Variants in FRAS1 observed in about 807,000 individuals in gnomAD.
The protein encoded by FRAS1 is extracellular matrix organizing protein FRAS1.
A neutral mutation model predicts 435.2 loss-of-function variants in FRAS1; 290 were observed. That is an observed-to-expected ratio of 0.67 (90% CI 0.61 to 0.73). The LOEUF (loss-of-function observed/expected upper bound fraction) is 0.73. Ranked by LOEUF, FRAS1 falls within the 30% of genes least tolerant of loss-of-function variation. The pLI is 0.00. For synonymous variants in FRAS1, 1,800 were observed against 1,851.0 expected, an observed-to-expected ratio of 0.97 and a Z score of 0.71; for missense variants, 4,860 against 5,001.5, an observed-to-expected ratio of 0.97 and a Z score of 0.85.
chr4:78,276,220 T>C lies in FRAS1; in HGVS notation c.982-2435T>C, dbSNP rs756285486. ...TTGTTCTGGTTAGCCATTTGTCTAA[T>C]CTTTTTTCAAGGTTTTTATCTTCTT... On this transcript the variant is annotated intron_variant, in intron 9 of 73. Transcript: ENST00000512123. 7.5e-4 allele frequency among the ~76,000 whole-genome samples: 114 copies of C among 152,214 alleles called. 1 individual carries two copies. The highest frequency in any genetic ancestry group is 1.4e-3 in the Non-Finnish European group (93 of 68,028).
intron 19 of FRAS1, among the ~76,000 whole-genome samples, chr4:78,334,725 A>G (rs201043818): frequency 6.6e-6 from 1 of 151,632 alleles, no homozygotes; most frequent in Admixed American, 6.6e-5. Flanking sequence ...GTGTGTGTAT[A>G]TTTATCGTTT....
chr4:78,219,925 G>C (rs1279890727), intron 2 of FRAS1, among the ~76,000 whole-genome samples: 1 of 152,146 alleles, frequency 6.6e-6, no homozygotes, highest in Non-Finnish European at 1.5e-5. Context: ...GGTAATGAAG[G>C]CCCATCATTC....
intron 29 of FRAS1, among the ~76,000 whole-genome samples, chr4:78,396,598 A>G (rs934021587): frequency 3.3e-5 from 5 of 152,148 alleles, no homozygotes; most frequent in Admixed American, 3.3e-4. Flanking sequence ...CAATCCACTG[A>G]TAGCTTTTTG....
chr4:78,205,063 GTC>G (rs1203517142), intron 2 of FRAS1, among the ~76,000 whole-genome samples: 1 of 152,114 alleles, frequency 6.6e-6, no homozygotes, highest in African/African-American at 2.4e-5. Flanking sequence ...GGGAATAGGA[GTC>G]TCTGACAATA....
At chr4:78,374,774 C>A (rs956183964) in intron 25 of FRAS1, among the ~76,000 whole-genome samples, 2 of 152,172 alleles carry the variant, frequency 1.3e-5, no homozygotes, top group Admixed American at 6.5e-5. Context: ...CTCATCATAT[C>A]TATCAAAACT....
intron 2 of FRAS1, among the ~76,000 whole-genome samples, chr4:78,166,298 C>T (rs72860694): frequency 0.025 from 3,859 of 151,976 alleles, 178 homozygotes; most frequent in African/African-American, 0.089. Flanking sequence ...ATTTCAAGAC[C>T]ATTTTTCTTG....
At chr4:78,219,546 C>G (rs1272883144) in intron 2 of FRAS1, among the ~76,000 whole-genome samples, 3 of 152,094 alleles carry the variant, frequency 2.0e-5, no homozygotes, top group African/African-American at 7.2e-5. Context: ...TTTAAAAAAG[C>G]TTTGAAAAGA....
intron 2 of FRAS1, among the ~76,000 whole-genome samples, chr4:78,100,726 G>T (rs964846924): frequency 1.3e-5 from 2 of 152,096 alleles, no homozygotes; most frequent in African/African-American, 4.8e-5. Flanking sequence ...GCAGATCCTG[G>T]CTCTTGGTGT....
chr4:78,409,812 G>C, intron 31 of FRAS1, among the ~76,000 whole-genome samples: 1 of 152,162 alleles, frequency 6.6e-6, no homozygotes, highest in East Asian at 1.9e-4. Context: ...AGGAATCCAG[G>C]TGGGGCTGAA....
intron 2 of FRAS1, among the ~76,000 whole-genome samples, chr4:78,113,991 G>T (rs1279275584): frequency 6.6e-6 from 1 of 152,114 alleles, no homozygotes; most frequent in Non-Finnish European, 1.5e-5. Context: ...AATCCATCTT[G>T]AATTAATTTT....
intron 2 of FRAS1, chr4:78,181,822 C>T: frequency 4.3e-6 from 7 of 1,612,128 alleles, no homozygotes; most frequent in Non-Finnish European, 5.9e-6. Flanking sequence ...TGCGGTCTTT[C>T]TGGGACTCCT....
intron 30 of FRAS1, among the ~76,000 whole-genome samples, chr4:78,403,168 C>A (rs1732963681): frequency 6.6e-6 from 1 of 152,096 alleles, no homozygotes; most frequent in East Asian, 1.9e-4. Flanking sequence ...GTATTAAATT[C>A]TCTACCTTTA....
intron 2 of FRAS1, among the ~76,000 whole-genome samples, chr4:78,100,765 T>TTA (rs372835162): frequency 6.6e-6 from 1 of 152,034 alleles, no homozygotes; most frequent in Non-Finnish European, 1.5e-5. Flanking sequence ...CGTGTGTGTA[T>TTA]TATATATATA....
intron 30 of FRAS1, among the ~76,000 whole-genome samples, chr4:78,406,694 A>C (rs955256741): frequency 2.0e-5 from 3 of 151,150 alleles, no homozygotes; most frequent in African/African-American, 4.9e-5. Flanking sequence ...GCACCTGTAA[A>C]GCATATACTA....
intron 20 of FRAS1, among the ~76,000 whole-genome samples, chr4:78,342,409 A>G (rs553057052): frequency 5.1e-4 from 78 of 152,332 alleles, no homozygotes; most frequent in Non-Finnish European, 9.4e-4. Flanking sequence ...AAGCAAATAT[A>G]AAGTATGTGA....
At chr4:78,223,388 G>A (rs941233860) in intron 2 of FRAS1, among the ~76,000 whole-genome samples, 10 of 152,214 alleles carry the variant, frequency 6.6e-5, no homozygotes, top group South Asian at 2.1e-4. Context: ...TTATGAATGA[G>A]GAAAGGTTTA....
At position 78,339,290 on chromosome 4, in the gene FRAS1, G is replaced by A. The variant is rs570466543; in HGVS notation, c.2422+1473G>A. ...CTCTGAGAATTAAATTGCTCCCTAC[G>A]TGGCTAAAGCGTATTGGTGGATATT... On this transcript the variant is annotated intron_variant, in intron 20 of 73. Coordinates refer to ENST00000512123, the MANE Select transcript of FRAS1 (RefSeq NM_025074.7). Among the ~76,000 whole-genome samples, 15 of 152,316 alleles carry A rather than the reference G, an allele frequency of 9.8e-5. 1 individual carries two copies. The South Asian group carries it at 1.9e-3, about 19-fold the overall frequency.
Position 78,379,997 on chromosome 4 carries a change from G to A in FRAS1, c.3563+1G>A, listed in dbSNP as rs773677827. 4 of 1,611,908 alleles carry A rather than the reference G, an allele frequency of 2.5e-6. No homozygotes were observed. The East Asian group carries it at 8.9e-5, about 36-fold the overall frequency. On this transcript the variant is annotated splice_donor_variant, in intron 27 of 73. Coordinates refer to ENST00000512123, the MANE Select transcript of FRAS1 (RefSeq NM_025074.7). LOFTEE classifies it high-confidence loss of function. ...TTGTGCACAGCAAAGAAAAACTCAGGTGACTCTGTGTTCTGTTGTTTTCTT... is the reference window on the plus strand; with the variant it reads ...TTGTGCACAGCAAAGAAAAACTCAGATGACTCTGTGTTCTGTTGTTTTCTT...
chr4:78,377,425 A>G (rs1731814931), intron 26 of FRAS1, among the ~76,000 whole-genome samples: 1 of 152,242 alleles, frequency 6.6e-6, no homozygotes, highest in African/African-American at 2.4e-5. Context: ...CAGTCGAAGT[A>G]GTCCCACTGA....
Sources: allele counts gnomAD v4.1 joint callset (sites outside exome capture counted in the v4.1 genomes callset), GRCh38; gene constraint gnomAD v4.1.1; transcripts MANE v1.5; gene names NCBI Gene and HGNC (gene_info 2026-07-23, HGNC 2026-07-21).